TDRD7: variants seen among roughly 807,000 people sequenced by gnomAD.
TDRD7 encodes the protein tudor domain containing 7, also known as tudor domain-containing protein 7.
Under a neutral mutation model 109.8 loss-of-function variants are expected in TDRD7, and 47 were observed. That is an observed-to-expected ratio of 0.43 (90% CI 0.34 to 0.55). The LOEUF (loss-of-function observed/expected upper bound fraction) is 0.55. Among genes scored for constraint, TDRD7 ranks in the 20% least tolerant of loss-of-function variants. The probability of loss-of-function intolerance (pLI) is 0.03; values close to 1 mark genes in which losing one functional copy is unlikely to be tolerated. For missense variants in TDRD7, 1,164 were observed against 1,319.2 expected (o/e 0.88, Z 1.82); for synonymous variants, 424 against 457.3 (o/e 0.93, Z 0.93).
chr9:97,446,447 T>C (rs868590123), intron 6 of TDRD7, among the ~76,000 whole-genome samples: 1 of 152,184 alleles, frequency 6.6e-6, no homozygotes, highest in Non-Finnish European at 1.5e-5. Flanking sequence ...ATGACAAAAT[T>C]ATAGAACATA....
rs746490733 is a variant in TDRD7 at position 97,430,804 on chromosome 9, C to T, written c.208-129C>T. 173 of 1,085,050 alleles carry T rather than the reference C, an allele frequency of 1.6e-4. 1 individual carries two copies. The highest frequency in any genetic ancestry group is 2.6e-4 in the Admixed American group (15 of 57,614). The allele number at this position is 1,085,050 out of a possible 1,614,324, so 67.2% of individuals were successfully genotyped here. A position where few individuals can be genotyped will look rare whatever the true frequency, so the allele number is the denominator to read the frequency against. On this transcript the variant is annotated intron_variant, in intron 2 of 16. Transcript: ENST00000355295. Reference sequence around the variant, plus strand: ...CTTCTAGCATTATCAAGGAGCGAGACACATGAATATTTGCATACCACTTGA... The same window carrying T: ...CTTCTAGCATTATCAAGGAGCGAGATACATGAATATTTGCATACCACTTGA...
At chr9:97,460,807 T>C in intron 7 of TDRD7, 43 bp downstream of exon 7, 2 of 1,552,242 alleles carry the variant, frequency 1.3e-6, no homozygotes, top group Non-Finnish European at 1.8e-6. Context: ...GATATACTTT[T>C]GTCACTTGTC....
At chr9:97,480,546 G>A (rs1829098729) in intron 13 of TDRD7, 1 of 415,542 alleles carries the variant, frequency 2.4e-6, no homozygotes, top group Non-Finnish European at 4.5e-6. Flanking sequence ...CTGTGAAATG[G>A]GGCTGCAACA....
chr9:97,470,812 A>G (rs1017558793), intron 9 of TDRD7, 143 bp downstream of exon 9: 42 of 657,076 alleles, frequency 6.4e-5, no homozygotes, highest in Middle Eastern at 7.2e-4. Flanking sequence ...TGTCGAATGT[A>G]TTCTTTATAA....
intron 8 of TDRD7, among the ~76,000 whole-genome samples, chr9:97,466,140 C>T (rs1828818721): frequency 6.6e-6 from 1 of 152,214 alleles, no homozygotes; most frequent in Non-Finnish European, 1.5e-5. Flanking sequence ...CTGTATGTGT[C>T]ACTGAGTGCA....
intron 6 of TDRD7, among the ~76,000 whole-genome samples, chr9:97,455,961 G>A (rs1828599506): frequency 6.6e-6 from 1 of 152,128 alleles, no homozygotes; most frequent in Non-Finnish European, 1.5e-5. Context: ...GAACTGATAA[G>A]CAACTTCAGC....
intron 1 of TDRD7, among the ~76,000 whole-genome samples, chr9:97,425,125 T>G (rs1305190367): frequency 6.6e-6 from 1 of 152,084 alleles, no homozygotes; most frequent in Non-Finnish European, 1.5e-5. Flanking sequence ...CATGAGGGAA[T>G]TTTTTTGGAT....
intron 13 of TDRD7, chr9:97,480,619 C>T (rs1829100161): frequency 7.1e-6 from 4 of 564,944 alleles, no homozygotes; most frequent in Admixed American, 7.0e-5. Flanking sequence ...AGCCCTGGCT[C>T]ATAAAGGAGT....
At chr9:97,419,578 A>G (rs1255613390) in intron 1 of TDRD7, among the ~76,000 whole-genome samples, 2 of 152,142 alleles carry the variant, frequency 1.3e-5, no homozygotes, top group African/African-American at 2.4e-5. Context: ...ATTCATTCAG[A>G]GTGTGGACTT....
At chr9:97,447,293 A>C (rs530721267) in intron 6 of TDRD7, among the ~76,000 whole-genome samples, 1 of 152,352 alleles carries the variant, frequency 6.6e-6, no homozygotes, top group African/African-American at 2.4e-5. Context: ...ACCTTTCAGC[A>C]TACAGACCAT....
At position 97,490,948 on chromosome 9, in the gene TDRD7, C is replaced by G. The variant is rs1467498221; in HGVS notation, c.3076+3616C>G. On this transcript the variant is annotated intron_variant, in intron 16 of 16. Transcript: ENST00000355295. Reference sequence around the variant, plus strand: ...TTTTTTTTTTTGAGACAGAGTCTTGCTCTGTCACCCACACTGGAGTGCAGT... The same window carrying G: ...TTTTTTTTTTTGAGACAGAGTCTTGGTCTGTCACCCACACTGGAGTGCAGT... Among the ~76,000 whole-genome samples the G allele has an allele frequency of 6.9e-5, 8 of 116,684 alleles. 1 individual carries two copies. The Admixed American group carries it at 9.3e-4, about 14-fold the overall frequency. The allele number at this position is 116,684 out of a possible 152,430, so 76.5% of individuals were successfully genotyped here. A position where few individuals can be genotyped will look rare whatever the true frequency, so the allele number is the denominator to read the frequency against.
chr9:97,429,731 C>G (rs1484800532), intron 2 of TDRD7, among the ~76,000 whole-genome samples: 1 of 152,196 alleles, frequency 6.6e-6, no homozygotes, highest in African/African-American at 2.4e-5. Context: ...CGTTATCACA[C>G]TTGACACAAT....
At chr9:97,423,635 C>T (rs901946257) in intron 1 of TDRD7, among the ~76,000 whole-genome samples, 2 of 152,022 alleles carry the variant, frequency 1.3e-5, no homozygotes, top group Non-Finnish European at 2.9e-5. Flanking sequence ...CACTTTTCTT[C>T]TTTCTAACAG....
rs1828116786 is a variant in TDRD7, at chr9:97,432,215, T to C, written c.540T>C (p.His180=). 3.1e-6 allele frequency: 5 copies of C among 1,613,648 alleles called. No homozygotes were observed. The highest frequency in any genetic ancestry group is 3.4e-6 in the Non-Finnish European group (4 of 1,179,736). ...TCAAAGACATTCCAGTGCAAAGGCA[T>C]GTGACCATGTCCACCAACAACAGGT... is the stretch of plus-strand genomic sequence containing the variant. ...EAFKDIPVQR[H]VTMSTNNRFS... The change falls in exon 4 of 17, where the codon CAT becomes CAC. Residue 180 remains histidine (H), a synonymous_variant. Transcript: ENST00000355295.
At chr9:97,461,514 C>G (rs535739279) in intron 7 of TDRD7, among the ~76,000 whole-genome samples, 1 of 152,060 alleles carries the variant, frequency 6.6e-6, no homozygotes, top group African/African-American at 2.4e-5. Context: ...CTTTCAGTAT[C>G]GTTGCCTGAG....
chr9:97,415,178 G>A (rs984601825), intron 1 of TDRD7, among the ~76,000 whole-genome samples: 4 of 152,172 alleles, frequency 2.6e-5, no homozygotes, highest in Admixed American at 6.5e-5. Flanking sequence ...AGTGCCACTC[G>A]ACAACTTAAA....
At chr9:97,461,890 T>A (rs1423152511) in intron 7 of TDRD7, among the ~76,000 whole-genome samples, 3 of 152,164 alleles carry the variant, frequency 2.0e-5, no homozygotes, top group Admixed American at 2.0e-4. Context: ...ATTAGAATCC[T>A]TCAATGAAAG....
chr9:97,485,578 A>G (rs964720180), intron 15 of TDRD7, among the ~76,000 whole-genome samples: 6 of 152,158 alleles, frequency 3.9e-5, no homozygotes, highest in Admixed American at 1.3e-4. Context: ...CAAATTAGCA[A>G]CCTACACCGA....
chr9:97,474,730 GA>G (rs1408378102), intron 11 of TDRD7, among the ~76,000 whole-genome samples: 1 of 152,154 alleles, frequency 6.6e-6, no homozygotes, highest in Admixed American at 6.5e-5. Context: ...CTTTGGTGGT[GA>G]AAAGGACTCG....
Sources: allele counts gnomAD v4.1 joint callset (sites outside exome capture counted in the v4.1 genomes callset), GRCh38; gene constraint gnomAD v4.1.1; transcripts MANE v1.5; gene names NCBI Gene and HGNC (gene_info 2026-07-23, HGNC 2026-07-21).